Variants in C7 observed in about 807,000 individuals in gnomAD.
C7 encodes complement C7.
In C7, 83 loss-of-function variants were observed where a neutral mutation model predicts 104.8. That is an observed-to-expected ratio of 0.79 (90% CI 0.66 to 0.95). The LOEUF is 0.95. Ranked by LOEUF, C7 falls within the 40% of genes least tolerant of loss-of-function variation. The pLI is 0.00. For synonymous variants in C7, 415 were observed against 360.6 expected, an observed-to-expected ratio of 1.15 and a Z score of -1.71; for missense variants, 1,070 against 1,011.2, an observed-to-expected ratio of 1.06 and a Z score of -0.79.
chr5:40,981,431 G>A lies in C7; in HGVS notation c.2390G>A (p.Cys797Tyr). The change falls in exon 18 of 18, where the codon TGC (cysteine) becomes TAC (tyrosine). Residue 797 changes from cysteine to tyrosine, a missense_variant. Physicochemically the swap from Cys to Tyr is radical, Grantham distance 194. Coordinates refer to ENST00000313164, the MANE Select transcript of C7 (RefSeq NM_000587.4). ...TGTGTCTGCCGAGAAGCATCGGAGT[G>A]CGAGGAAGAAGGGTTTAGCATTTGT... ...SKCVCREASE[C>Y]EEEGFSICVE... 1.2e-6 allele frequency: 2 copies of A among 1,613,446 alleles called. No homozygotes were observed. The highest frequency in any genetic ancestry group is 1.7e-5 in the Admixed American group (1 of 59,974).
chr5:40,956,917 T>C (rs1740301072), intron 10 of C7, among the ~76,000 whole-genome samples: 1 of 152,230 alleles, frequency 6.6e-6, no homozygotes, highest in South Asian at 2.1e-4. Context: ...AAATTATTGA[T>C]TAGAGAAAGA....
chr5:40,955,348 G>C, intron 9 of C7, 39 bp from the exon 10 acceptor site: 3 of 1,552,496 alleles, frequency 1.9e-6, no homozygotes, highest in Non-Finnish European at 2.6e-6. Context: ...TTAAATACTT[G>C]ATAGACTTTT....
rs770721343 is a variant in C7 at position 40,959,477 on chromosome 5, G to A, written c.1518G>A (p.Trp506Ter). The change falls in exon 12 of 18, where the codon TGG becomes TGA. Residue 506 changes from tryptophan (W) to a stop codon, truncating the protein, a stop_gained. Transcript: ENST00000313164. LOFTEE classifies it high-confidence loss of function. Reference sequence around the variant, plus strand: ...GGGTTGATGGAGGTTGGAGTTGCTGGTCCTCTTGGAGCCCCTGTGTCCAAG... The same window carrying A: ...GGGTTGATGGAGGTTGGAGTTGCTGATCCTCTTGGAGCCCCTGTGTCCAAG... ...AGGVDGGWSCWSSWSPCVQGK... is the reference protein window; with the variant it reads ...AGGVDGGWSC 1.3e-5 allele frequency: 21 copies of A among 1,611,200 alleles called. No homozygotes were observed. Among genetic ancestry groups the A allele is most frequent in the Non-Finnish European group, 1.6e-5 (19 of 1,179,224 alleles).
chr5:40,909,674 G>T (rs1048131405), intron 1 of C7, 58 bp downstream of exon 1: 3 of 1,303,170 alleles, frequency 2.3e-6, no homozygotes, highest in Non-Finnish European at 3.2e-6. Context: ...ATGAACGGGG[G>T]TAATATAAAT....
chr5:40,974,387 G>GT (rs34725318), intron 15 of C7, among the ~76,000 whole-genome samples: 32,977 of 137,774 alleles, frequency 0.24, 4,001 homozygotes, highest in South Asian at 0.42. Context: ...TAATTCTATC[G>GT]TTTTTTTTTT....
chr5:40,957,758 G>GT (rs200026693), intron 10 of C7, among the ~76,000 whole-genome samples: 815 of 55,590 alleles, frequency 0.015, 3 homozygotes, highest in East Asian at 0.051. Flanking sequence ...GCCTGGGCTG[G>GT]TTTTTTTTTG....
chr5:40,932,303 T>C (rs2111584176), intron 3 of C7, among the ~76,000 whole-genome samples: 1 of 152,312 alleles, frequency 6.6e-6, no homozygotes, highest in African/African-American at 2.4e-5. Flanking sequence ...ATATTTAAGT[T>C]GTTTCCATTT....
At chr5:40,978,906 G>GTTTTTTTT (rs1740877552) in intron 16 of C7, among the ~76,000 whole-genome samples, 3 of 68,818 alleles carry the variant, frequency 4.4e-5, no homozygotes, top group African/African-American at 9.9e-5. Context: ...TTGGGACACA[G>GTTTTTTTT]TTTCATTCAG....
intron 12 of C7, among the ~76,000 whole-genome samples, chr5:40,960,202 A>G (rs1489888464): frequency 6.6e-6 from 1 of 152,208 alleles, no homozygotes; most frequent in Non-Finnish European, 1.5e-5. Flanking sequence ...AAAAATGCTC[A>G]GTTGATGAAT....
At chr5:40,955,329 A>G (rs989067211) in intron 9 of C7, 58 bp from the exon 10 acceptor site, 3 of 1,511,742 alleles carry the variant, frequency 2.0e-6, no homozygotes, top group East Asian at 2.3e-5. Context: ...ATACAATTTG[A>G]TAGTTTTTTT....
intron 12 of C7, among the ~76,000 whole-genome samples, chr5:40,960,210 A>C (rs1478877670): frequency 6.6e-6 from 1 of 152,186 alleles, no homozygotes; most frequent in African/African-American, 2.4e-5. Context: ...TCAGTTGATG[A>C]ATCATAGCCC....
At chr5:40,965,646 A>ATTTT (rs1247964584) in intron 14 of C7, among the ~76,000 whole-genome samples, 9 of 99,100 alleles carry the variant, frequency 9.1e-5, no homozygotes, top group East Asian at 3.0e-4. Flanking sequence ...ATATATATAT[A>ATTTT]TATTTTTTTT....
chr5:40,916,264 C>A lies in C7; in HGVS notation c.6+6648C>A, dbSNP rs187775732. 4.6e-5 allele frequency among the ~76,000 whole-genome samples: 7 copies of A among 152,052 alleles called. No homozygotes were observed. In the East Asian group the frequency reaches 1.3e-3, roughly 29 times the overall value. On this transcript the variant is annotated intron_variant, in intron 1 of 17. Coordinates refer to ENST00000313164, the MANE Select transcript of C7 (RefSeq NM_000587.4). Reference sequence around the variant, plus strand: ...TCACATTTTATGTACAATTTTGTAACCTATCAGATCCTCTGTATTTATTTA... The same window carrying A: ...TCACATTTTATGTACAATTTTGTAAACTATCAGATCCTCTGTATTTATTTA...
At chr5:40,922,876 G>A (rs755000498) in intron 1 of C7, among the ~76,000 whole-genome samples, 15 of 152,150 alleles carry the variant, frequency 9.9e-5, no homozygotes, top group Non-Finnish European at 1.9e-4. Flanking sequence ...GAAACAACTA[G>A]AAGAAAACAT....
chr5:40,950,092 A>G (rs1740136376), intron 9 of C7, 78 bp downstream of exon 9: 2 of 797,164 alleles, frequency 2.5e-6, no homozygotes, highest in Non-Finnish European at 4.1e-6. Flanking sequence ...GTACGCGTGA[A>G]GTTATGTAGG....
In C7 at chr5:40,947,863, T is replaced by C; in HGVS notation, c.982+18T>C. On this transcript the variant is annotated intron_variant, in intron 8 of 17. Coordinates refer to ENST00000313164, the MANE Select transcript of C7 (RefSeq NM_000587.4). ...ACAAAATGGTACAGTATTAAAAAAT[T>C]CGTTGTCTAAAGGCATTTCTGGGAT... 6.2e-7 allele frequency: 1 copy of C among 1,609,124 alleles called. No individual in the cohort carries two copies. Among genetic ancestry groups the C allele is most frequent in the Non-Finnish European group, 8.5e-7 (1 of 1,177,834 alleles).
Position 40,972,602 on chromosome 5 carries a change from G to C in C7, c.2074+8G>C. 2 of 1,580,840 alleles carry C rather than the reference G, an allele frequency of 1.3e-6. No individual in the cohort carries two copies. Among genetic ancestry groups the C allele is most frequent in the South Asian group, 2.4e-5 (2 of 83,944 alleles). ...CCCGCTGTGTACAAAAAGGTGAGTG[G>C]CTTCCATGTCTATCCAAGGACACTT... On this transcript the variant is annotated splice_region_variant and intron_variant, in intron 15 of 17. Transcript: ENST00000313164.
intron 1 of C7, among the ~76,000 whole-genome samples, chr5:40,912,851 T>C (rs1276910560): frequency 6.6e-6 from 1 of 152,204 alleles, no homozygotes; most frequent in Non-Finnish European, 1.5e-5. Flanking sequence ...TTTTGTTACA[T>C]GGATATATTG....
chr5:40,934,498 A>G (rs1234261984), intron 4 of C7, 32 bp downstream of exon 4: 1 of 1,605,736 alleles, frequency 6.2e-7, no homozygotes. Context: ...CAGCATGCAG[A>G]TTGTAAATTC....
Sources: gnomAD v4.1 joint callset for allele counts (sites outside exome capture counted in the v4.1 genomes callset) on GRCh38, gnomAD v4.1.1 for gene constraint, MANE v1.5 for transcripts, NCBI Gene and HGNC (gene_info 2026-07-23, HGNC 2026-07-21) for gene names.